BAZ2B: variants seen among roughly 807,000 people sequenced by gnomAD.
The protein encoded by BAZ2B is bromodomain adjacent to zinc finger domain 2B, also known as bromodomain adjacent to zinc finger domain protein 2B.
Under a neutral mutation model 246.0 loss-of-function variants are expected in BAZ2B, and 91 were observed. The ratio of observed to expected loss-of-function variants is 0.37; its 90% CI spans 0.31 to 0.44. The LOEUF is 0.44. BAZ2B is among the 20% of genes least tolerant of loss of function. The pLI is 1.00. For synonymous variants in BAZ2B, 855 were observed against 860.0 expected, an observed-to-expected ratio of 0.99 and a Z score of 0.10; for missense variants, 2,332 against 2,533.7, an observed-to-expected ratio of 0.92 and a Z score of 1.71.
intron 2 of BAZ2B, among the ~76,000 whole-genome samples, chr2:159,525,597 A>ATT (rs61028015): frequency 0.53 from 80,977 of 151,758 alleles, 22,029 homozygotes; most frequent in Non-Finnish European, 0.58. Context: ...AAGATATCTC[A>ATT]TTATATATAT....
At chr2:159,566,622 A>G (rs1682663749) in intron 1 of BAZ2B, among the ~76,000 whole-genome samples, 2 of 152,182 alleles carry the variant, frequency 1.3e-5, no homozygotes, top group Non-Finnish European at 2.9e-5. Flanking sequence ...TCATCTCCAG[A>G]GTTCCCTTCC....
chr2:159,330,478 C>G (rs1262880179), intron 34 of BAZ2B, among the ~76,000 whole-genome samples: 1 of 152,196 alleles, frequency 6.6e-6, no homozygotes, highest in Non-Finnish European at 1.5e-5. Context: ...AGGCACTGAT[C>G]ACTGGAGTGA....
intron 35 of BAZ2B, 121 bp from the exon 36 acceptor site, chr2:159,325,075 T>TA (rs2063378205): frequency 5.3e-4 from 1 of 1,900 alleles, no homozygotes; most frequent in African/African-American, 1.9e-3. Context: ...TATATATATA[T>TA]ATTATATATA....
intron 14 of BAZ2B, among the ~76,000 whole-genome samples, chr2:159,411,131 C>G (rs972351306): frequency 1.3e-5 from 2 of 152,192 alleles, no homozygotes; most frequent in Non-Finnish European, 2.9e-5. Context: ...AGAGGATCCT[C>G]CCACATCAGC....
intron 20 of BAZ2B, 195 bp downstream of exon 20, chr2:159,395,574 C>A: frequency 2.4e-6 from 1 of 421,628 alleles, no homozygotes; most frequent in Non-Finnish European, 4.2e-6. Context: ...GGAAAACTAA[C>A]ACATACATTG....
At chr2:159,485,796 T>C (rs2079758366) in intron 2 of BAZ2B, among the ~76,000 whole-genome samples, 1 of 152,142 alleles carries the variant, frequency 6.6e-6, no homozygotes, top group African/African-American at 2.4e-5. Flanking sequence ...TTCTTTTCAT[T>C]GGCAGTCTTG....
the BAZ2B span, among the ~76,000 whole-genome samples, chr2:159,644,503 C>T: frequency 6.6e-6 from 1 of 152,152 alleles, no homozygotes; most frequent in African/African-American, 2.4e-5. Context: ...CTGTCTTGCC[C>T]CTTAGGCTAG....
intron 30 of BAZ2B, 109 bp downstream of exon 30, chr2:159,348,569 G>T: frequency 7.8e-7 from 1 of 1,287,042 alleles, no homozygotes; most frequent in Non-Finnish European, 1.0e-6. Context: ...CCATAGATGT[G>T]GAACCCATGA....
At chr2:159,495,895 G>A (rs2081062646) in intron 2 of BAZ2B, among the ~76,000 whole-genome samples, 1 of 150,856 alleles carries the variant, frequency 6.6e-6, no homozygotes, top group Non-Finnish European at 1.5e-5. Context: ...AGCCTCCCAA[G>A]GACCTGGGAC....
intron 27 of BAZ2B, among the ~76,000 whole-genome samples, chr2:159,354,451 A>G (rs1575969828): frequency 6.6e-6 from 1 of 152,082 alleles, no homozygotes; most frequent in Admixed American, 6.6e-5. Context: ...CCCAGGTTCA[A>G]CTGATTCTCC....
At chr2:159,708,480 A>C in the BAZ2B span, among the ~76,000 whole-genome samples, 1 of 152,112 alleles carries the variant, frequency 6.6e-6, no homozygotes, top group Non-Finnish European at 1.5e-5. Context: ...CTGTAAGCTT[A>C]GATGTAAGAG....
intron 10 of BAZ2B, among the ~76,000 whole-genome samples, 163 bp from the exon 11 acceptor site, chr2:159,429,423 T>C (rs563946597): frequency 1.3e-5 from 2 of 151,778 alleles, no homozygotes; most frequent in Non-Finnish European, 2.9e-5. Flanking sequence ...TAAAACACTG[T>C]ATAAGGCAGG....
chr2:159,576,992 A>G (rs1195002457), intron 1 of BAZ2B, among the ~76,000 whole-genome samples: 1 of 151,924 alleles, frequency 6.6e-6, no homozygotes, highest in African/African-American at 2.4e-5. Flanking sequence ...TTGGGAGAAC[A>G]AGGTTGGAAG....
Position 159,337,018 on chromosome 2 carries a change from C to G in BAZ2B, c.5720G>C (p.Arg1907Pro). ...RVWRRALSEARSAAQVALCIQ... is the reference protein window; with the variant it reads ...RVWRRALSEAPSAAQVALCIQ... ...GCACAGAGCTACCTGTGCAGCACTGCGAGCTTCTGATAATGCCCTTCTCCA... is the reference window on the plus strand; with the variant it reads ...GCACAGAGCTACCTGTGCAGCACTGGGAGCTTCTGATAATGCCCTTCTCCA... The change falls in exon 33 of 37, where the codon CGC becomes CCC. Residue 1907 changes from arginine (R) to proline (P), a missense_variant. Coordinates refer to ENST00000392783, the MANE Select transcript of BAZ2B (RefSeq NM_013450.4). 1 of 1,611,668 alleles carries G rather than the reference C, an allele frequency of 6.2e-7. No homozygotes were observed. Among genetic ancestry groups the G allele is most frequent in the East Asian group, 2.2e-5 (1 of 44,836 alleles).
intron 1 of BAZ2B, among the ~76,000 whole-genome samples, chr2:159,576,902 G>A (rs940698925): frequency 2.4e-5 from 2 of 84,640 alleles, no homozygotes; most frequent in Admixed American, 1.6e-4. Flanking sequence ...TACAGAGTGA[G>A]ACTGTGTCTC....
intron 16 of BAZ2B, among the ~76,000 whole-genome samples, chr2:159,402,324 C>T (rs4665067): frequency 0.35 from 53,117 of 151,934 alleles, 10,765 homozygotes; most frequent in Non-Finnish European, 0.48. Flanking sequence ...GTGGTGCATG[C>T]CTATAATCCC....
At chr2:159,325,148 T>TATATATA (rs1242445301) in intron 35 of BAZ2B, among the ~76,000 whole-genome samples, 194 bp from the exon 36 acceptor site, 6 of 76,654 alleles carry the variant, frequency 7.8e-5, no homozygotes, top group African/African-American at 3.1e-4. Flanking sequence ...TATATATATA[T>TATATATA]GAGATAGGGT....
At chr2:159,376,592 T>C (rs1411167088) in intron 25 of BAZ2B, among the ~76,000 whole-genome samples, 1 of 152,200 alleles carries the variant, frequency 6.6e-6, no homozygotes, top group African/African-American at 2.4e-5. Context: ...AAATCTTGAC[T>C]TTTATGTGAA....
intron 12 of BAZ2B, 116 bp from the exon 13 acceptor site, chr2:159,428,158 T>C (rs2070338358): frequency 9.0e-7 from 1 of 1,116,938 alleles, no homozygotes; most frequent in Non-Finnish European, 1.3e-6. Context: ...GCTCTAAATT[T>C]ATAGGAGATC....
Sources: gnomAD v4.1 joint callset for allele counts (sites outside exome capture counted in the v4.1 genomes callset) on GRCh38, gnomAD v4.1.1 for gene constraint, MANE v1.5 for transcripts, NCBI Gene and HGNC (gene_info 2026-07-23, HGNC 2026-07-21) for gene names.